STYXL1: variants seen among roughly 807,000 people sequenced by gnomAD.
STYXL1 encodes the protein serine/threonine/tyrosine interacting like 1, also known as serine/threonine/tyrosine-interacting-like protein 1.
A neutral mutation model predicts 36.4 loss-of-function variants in STYXL1; 32 were observed. That is an observed-to-expected ratio of 0.88 (90% confidence interval 0.66 to 1.18). The LOEUF (loss-of-function observed/expected upper bound fraction) is 1.18. Ranked by LOEUF, STYXL1 falls within the 50% of genes most tolerant of loss-of-function variation. The pLI is 0.00. For synonymous variants in STYXL1, 133 were observed against 144.1 expected (o/e 0.92, Z 0.55); for missense variants, 354 against 394.1 (o/e 0.90, Z 0.86).
chr7:75,999,491 T>TTG (rs1554565568), intron 8 of STYXL1, among the ~76,000 whole-genome samples: 13 of 111,244 alleles, frequency 1.2e-4, no homozygotes, highest in African/African-American at 4.2e-4. Flanking sequence ...AATTTTTTTG[T>TTG]TGTGTGTGTG....
intron 1 of STYXL1, among the ~76,000 whole-genome samples, chr7:76,032,242 AT>A (rs1465881299): frequency 6.6e-6 from 1 of 151,408 alleles, no homozygotes; most frequent in Non-Finnish European, 1.5e-5. Context: ...AAAAAAAAAA[AT>A]TCTTAAACTA....
Position 76,029,598 on chromosome 7 carries a change from CTAT to C in STYXL1, c.103+820_103+822del, listed in dbSNP as rs145276750. Among the ~76,000 whole-genome samples, 1,132 of 152,246 alleles carry C rather than the reference CTAT, an allele frequency of 7.4e-3. 17 individuals are homozygous for C. The highest frequency in any genetic ancestry group is 0.026 in the African/African-American group (1,061 of 41,532). ...AGCCCATTACATTTTTTGTGCATTT[CTAT>C]TATTATTACATTGTAATATATAATG... On this transcript the variant is annotated intron_variant, in intron 2 of 8. Transcript: ENST00000359697.
chr7:76,026,192 C>CAAAAAAAAAAAAAAA lies in STYXL1; in HGVS notation c.165+2435_165+2449dup, dbSNP rs1159067824. On this transcript the variant is annotated intron_variant, in intron 3 of 8. Transcript: ENST00000359697. ...GGAGGACAGAGCAAGACTCTGTCTCCAAAAAAAAAAAAAAAAAAAAAAAAA... is the reference window on the plus strand; with the variant it reads ...GGAGGACAGAGCAAGACTCTGTCTCCAAAAAAAAAAAAAAAAAAAAAAAAAAAAAAAAAAAAAAAA... Among the ~76,000 whole-genome samples the CAAAAAAAAAAAAAAA allele has an allele frequency of 6.4e-4, 12 of 18,624 alleles. 4 individuals are homozygous for CAAAAAAAAAAAAAAA. The highest frequency in any genetic ancestry group is 1.9e-3 in the Admixed American group (2 of 1,074). The allele number at this position is 18,624 out of a possible 152,430, so 12.2% of individuals were successfully genotyped here. A position where few individuals can be genotyped will look rare whatever the true frequency, so the allele number is the denominator to read the frequency against.
chr7:76,028,725 G>A, intron 2 of STYXL1, 22 bp from the exon 3 acceptor site: 1 of 1,612,710 alleles, frequency 6.2e-7, no homozygotes, highest in Non-Finnish European at 8.5e-7. Context: ...ACGTATTTAA[G>A]AACTGAATTT....
intron 3 of STYXL1, among the ~76,000 whole-genome samples, chr7:76,026,815 A>G (rs1437119431): frequency 6.6e-6 from 1 of 152,196 alleles, no homozygotes; most frequent in African/African-American, 2.4e-5. Flanking sequence ...TTGGGTGGCT[A>G]AGACAGGCAG....
intron 7 of STYXL1, among the ~76,000 whole-genome samples, chr7:76,003,011 T>TA (rs1429838468): frequency 1.3e-5 from 2 of 152,188 alleles, no homozygotes; most frequent in East Asian, 3.9e-4. Context: ...GAGCTGTTGG[T>TA]GCCAGACAGG....
chr7:76,026,637 G>A (rs782249989), intron 3 of STYXL1, among the ~76,000 whole-genome samples: 13 of 152,214 alleles, frequency 8.5e-5, no homozygotes, highest in Non-Finnish European at 1.9e-4. Context: ...ATATGTCATT[G>A]CAGCTGTAAG....
chr7:76,046,331 TGTGTGTGTGCGCGCGCGCGC>T (rs1479372245), intron 1 of STYXL1, among the ~76,000 whole-genome samples: 19 of 11,698 alleles, frequency 1.6e-3, no homozygotes, highest in South Asian at 2.9e-3. Flanking sequence ...TGTGTGTGTG[TGTGTGTGTGCGCGCGCGCGC>T]GCGCGCGCTT....
chr7:75,996,660 T>C, intron 8 of STYXL1, 61 bp from the exon 9 acceptor site: 1 of 1,559,928 alleles, frequency 6.4e-7, no homozygotes, highest in Non-Finnish European at 8.8e-7. Flanking sequence ...TCCACTTGGA[T>C]CAGAGGCAGC....
chr7:76,025,914 C>G (rs782118252), intron 3 of STYXL1, among the ~76,000 whole-genome samples: 3 of 151,954 alleles, frequency 2.0e-5, no homozygotes, highest in Non-Finnish European at 4.4e-5. Flanking sequence ...GCACAGAGGC[C>G]GGGCGCGGTG....
At position 76,047,336 on chromosome 7, in the gene STYXL1, A is replaced by G. The variant is rs548505117; in HGVS notation, c.-5+326T>C. On this transcript the variant is annotated intron_variant, in intron 1 of 8. Transcript: ENST00000359697. ...TTCTACTCGACTTTCTGTCTGCGTAAACTCTACAAATCCACTTGGCCTCAG... is the reference window on the plus strand; with the variant it reads ...TTCTACTCGACTTTCTGTCTGCGTAGACTCTACAAATCCACTTGGCCTCAG... Among the ~76,000 whole-genome samples, 5 of 152,282 alleles carry G rather than the reference A, an allele frequency of 3.3e-5. No individual in the cohort carries two copies. In the South Asian group the frequency reaches 1.0e-3, roughly 32 times the overall value.
chr7:76,006,336 C>T (rs1791761900), intron 5 of STYXL1, among the ~76,000 whole-genome samples: 2 of 152,220 alleles, frequency 1.3e-5, no homozygotes, highest in South Asian at 4.1e-4. Context: ...CCTCAGCCTC[C>T]CAAAGTGTTG....
At chr7:76,018,819 T>C (rs1793703567) in intron 4 of STYXL1, among the ~76,000 whole-genome samples, 1 of 152,236 alleles carries the variant, frequency 6.6e-6, no homozygotes, top group Middle Eastern at 3.2e-3. Flanking sequence ...AACACTGCTA[T>C]GAACATTCAT....
At chr7:76,034,617 G>T (rs1795736318) in intron 1 of STYXL1, among the ~76,000 whole-genome samples, 1 of 152,186 alleles carries the variant, frequency 6.6e-6, no homozygotes, top group South Asian at 2.1e-4. Flanking sequence ...AGGGTAGGGG[G>T]TTTCTCAACC....
chr7:76,034,072 G>C (rs1207145329), intron 1 of STYXL1, among the ~76,000 whole-genome samples: 4 of 152,324 alleles, frequency 2.6e-5, no homozygotes, highest in South Asian at 4.1e-4. Context: ...TACTCAGTGA[G>C]TACTGGCCAT....
At chr7:76,024,578 T>C (rs562649898) in intron 3 of STYXL1, among the ~76,000 whole-genome samples, 7 of 151,866 alleles carry the variant, frequency 4.6e-5, no homozygotes, top group East Asian at 1.9e-4. Flanking sequence ...GATGGTGCCA[T>C]TGCACTCCAG....
intron 3 of STYXL1, among the ~76,000 whole-genome samples, chr7:76,023,637 G>A (rs1331011648): frequency 6.6e-6 from 1 of 152,116 alleles, no homozygotes; most frequent in African/African-American, 2.4e-5. Flanking sequence ...TGAGGTGAGA[G>A]GATCACTTGA....
At chr7:76,005,094 C>G (rs1554569674) in intron 6 of STYXL1, among the ~76,000 whole-genome samples, 165 bp downstream of exon 6, 1 of 151,676 alleles carries the variant, frequency 6.6e-6, no homozygotes, top group Non-Finnish European at 1.5e-5. Flanking sequence ...GTGCAGCACA[C>G]CAACATGGCA....
intron 4 of STYXL1, among the ~76,000 whole-genome samples, chr7:76,019,274 GT>G (rs1226129706): frequency 4.7e-5 from 7 of 149,102 alleles, no homozygotes; most frequent in South Asian, 2.2e-4. Context: ...AACTCTAACT[GT>G]TTTTTTCTTT....
Sources: gnomAD v4.1 joint callset for allele counts (sites outside exome capture counted in the v4.1 genomes callset) on GRCh38, gnomAD v4.1.1 for gene constraint, MANE v1.5 for transcripts, NCBI Gene and HGNC (gene_info 2026-07-23, HGNC 2026-07-21) for gene names.